Variants in BBS9 observed in about 807,000 individuals in gnomAD.
The protein encoded by BBS9 is protein PTHB1.
A neutral mutation model predicts 117.7 loss-of-function variants in BBS9; 89 were observed. That is an observed-to-expected ratio of 0.76 (90% CI 0.64 to 0.90). BBS9 has a LOEUF of 0.90. Ranked by LOEUF, BBS9 falls within the 40% of genes least tolerant of loss-of-function variation. The probability of loss-of-function intolerance (pLI) is 0.00; values close to 1 mark genes in which losing one functional copy is unlikely to be tolerated. For synonymous variants in BBS9, 379 were observed against 370.9 expected (o/e 1.02, Z -0.25); for missense variants, 982 against 1,042.2 (o/e 0.94, Z 0.80).
intron 19 of BBS9, among the ~76,000 whole-genome samples, chr7:33,413,851 A>G (rs1276697343): frequency 6.6e-6 from 1 of 151,938 alleles, no homozygotes; most frequent in Non-Finnish European, 1.5e-5. Flanking sequence ...GAAAAACCCC[A>G]TTTCTACTAA....
chr7:33,260,608 AT>A (rs1003231653), intron 6 of BBS9, among the ~76,000 whole-genome samples: 2 of 152,150 alleles, frequency 1.3e-5, no homozygotes, highest in African/African-American at 4.8e-5. Context: ...TTCAGCAAAT[AT>A]TTTTCAACAG....
chr7:33,136,848 A>T (rs1790550915), intron 1 of BBS9, among the ~76,000 whole-genome samples: 1 of 152,146 alleles, frequency 6.6e-6, no homozygotes, highest in African/African-American at 2.4e-5. Context: ...GGTGGGAAGT[A>T]TCCTCTCCTC....
intron 5 of BBS9, among the ~76,000 whole-genome samples, chr7:33,225,179 T>G (rs1393984142): frequency 1.3e-5 from 2 of 152,128 alleles, no homozygotes; most frequent in African/African-American, 4.8e-5. Context: ...TTCAATTTAT[T>G]GATATTATTG....
chr7:33,188,703 G>A (rs1783561776), intron 5 of BBS9, among the ~76,000 whole-genome samples: 1 of 152,108 alleles, frequency 6.6e-6, no homozygotes, highest in African/African-American at 2.4e-5. Flanking sequence ...AGAAAATGTT[G>A]GATTTGGTCA....
intron 19 of BBS9, among the ~76,000 whole-genome samples, chr7:33,485,402 C>T (rs367750850): frequency 8.6e-5 from 13 of 150,434 alleles, no homozygotes; most frequent in South Asian, 2.1e-4. Context: ...CTCCGCCTCC[C>T]GGGTTCATGC....
intron 1 of BBS9, among the ~76,000 whole-genome samples, chr7:33,142,321 G>C (rs893641816): frequency 1.3e-5 from 2 of 152,186 alleles, no homozygotes; most frequent in African/African-American, 4.8e-5. Flanking sequence ...CATCATAAAA[G>C]GGGATCAAAA....
chr7:33,437,506 A>G (rs1379480769), intron 19 of BBS9, among the ~76,000 whole-genome samples: 1 of 152,176 alleles, frequency 6.6e-6, no homozygotes, highest in Non-Finnish European at 1.5e-5. Context: ...GGAAATACAG[A>G]TTGATTTATA....
chr7:33,528,344 T>G (rs914104764), intron 20 of BBS9, among the ~76,000 whole-genome samples: 12 of 151,724 alleles, frequency 7.9e-5, no homozygotes, highest in African/African-American at 2.9e-4. Context: ...GTTTGTTTGT[T>G]TTTGTTTTTT....
At chr7:33,389,242 C>T (rs1370679398) in intron 19 of BBS9, among the ~76,000 whole-genome samples, 1 of 152,136 alleles carries the variant, frequency 6.6e-6, no homozygotes, top group African/African-American at 2.4e-5. Context: ...TCATGTGGTC[C>T]TTTATCACAA....
rs532847982 is a variant in BBS9, at chr7:33,492,663, G to T, written c.2116-12800G>T. On this transcript the variant is annotated intron_variant, in intron 19 of 22. Coordinates refer to ENST00000242067, the MANE Select transcript of BBS9 (RefSeq NM_198428.3). ...AAGGCATTCAAACATTCAAATGCAGGTTTACTTAAAAGAGGGACAAACAAA... is the reference window on the plus strand; with the variant it reads ...AAGGCATTCAAACATTCAAATGCAGTTTTACTTAAAAGAGGGACAAACAAA... Among the ~76,000 whole-genome samples, 176 of 152,242 alleles carry T rather than the reference G, an allele frequency of 1.2e-3. No individual in the cohort carries two copies. In the Middle Eastern group the frequency reaches 0.017, roughly 15 times the overall value.
intron 5 of BBS9, among the ~76,000 whole-genome samples, chr7:33,219,918 A>T (rs1434812329): frequency 1.3e-5 from 2 of 152,146 alleles, no homozygotes; most frequent in Non-Finnish European, 2.9e-5. Flanking sequence ...ATGAGCTGTA[A>T]CACTCACCGC....
At chr7:33,148,679 T>A (rs189521482) in intron 2 of BBS9, among the ~76,000 whole-genome samples, 2,487 of 148,116 alleles carry the variant, frequency 0.017, 72 homozygotes, top group African/African-American at 0.06. Context: ...TTTTTTTTTT[T>A]AATGGAGACA....
chr7:33,197,880 G>T (rs1426679637), intron 5 of BBS9, among the ~76,000 whole-genome samples: 1 of 151,770 alleles, frequency 6.6e-6, no homozygotes, highest in Admixed American at 6.6e-5. Flanking sequence ...TCTAATATTG[G>T]TAGGCATGCT....
At chr7:33,635,488 C>T (rs547080629) in exon 22 of BBS9, among the ~76,000 whole-genome samples, 4 of 152,350 alleles carry the variant, frequency 2.6e-5, no homozygotes, top group South Asian at 4.1e-4. Context: ...TGGAACCAGC[C>T]TGCTCCATGC....
At chr7:33,164,004 G>A (rs996442893) in intron 4 of BBS9, among the ~76,000 whole-genome samples, 2 of 152,146 alleles carry the variant, frequency 1.3e-5, no homozygotes, top group African/African-American at 2.4e-5. Flanking sequence ...TGCTTTAAAT[G>A]TGTCCCAGAG....
rs1333723295 is a variant in BBS9 at position 33,504,951 on chromosome 7, T to A, written c.2116-512T>A. ...CAAATGTTTGAACATTATCTACCTT[T>A]TAGATATAATAAAGAAATATTAGAT... On this transcript the variant is annotated intron_variant, in intron 19 of 22. Coordinates refer to ENST00000242067, the MANE Select transcript of BBS9 (RefSeq NM_198428.3). Among the ~76,000 whole-genome samples, 3 of 152,142 alleles carry A rather than the reference T, an allele frequency of 2.0e-5. No individual in the cohort carries two copies. The East Asian group carries it at 5.8e-4, about 29-fold the overall frequency.
At chr7:33,395,813 T>A (rs934255480) in intron 19 of BBS9, among the ~76,000 whole-genome samples, 1 of 152,188 alleles carries the variant, frequency 6.6e-6, no homozygotes, top group East Asian at 1.9e-4. Context: ...AGCATGATTT[T>A]GGCTGATAAC....
chr7:33,258,148 A>G (rs1300054338), intron 6 of BBS9, among the ~76,000 whole-genome samples: 1 of 152,178 alleles, frequency 6.6e-6, no homozygotes, highest in Non-Finnish European at 1.5e-5. Flanking sequence ...TCATGCTGGG[A>G]AAAGAAATAG....
At chr7:33,605,163 C>T in intron 22 of BBS9, 32 bp from the exon 23 acceptor site, 1 of 1,594,816 alleles carries the variant, frequency 6.3e-7, no homozygotes, top group African/African-American at 1.3e-5. Flanking sequence ...GATCTTTTCT[C>T]TCTCTTTCTC....
Sources: gnomAD v4.1 joint callset for allele counts (sites outside exome capture counted in the v4.1 genomes callset) on GRCh38, gnomAD v4.1.1 for gene constraint, MANE v1.5 for transcripts, NCBI Gene and HGNC (gene_info 2026-07-23, HGNC 2026-07-21) for gene names.